The following MYH11 variants were observed in gnomAD, a reference collection of about 807,000 sequenced individuals.
The protein encoded by MYH11 is myosin heavy chain 11, also known as myosin-11.
MYH11 carries 80 observed loss-of-function variants against 246.6 expected under a neutral mutation model. That is an observed-to-expected ratio of 0.32 (90% CI 0.27 to 0.39). MYH11 has a LOEUF of 0.39. Ranked by LOEUF, MYH11 falls within the 10% of genes least tolerant of loss-of-function variation. The pLI, the probability that MYH11 is intolerant of heterozygous loss-of-function variation, is 1.00. For synonymous variants in MYH11, 1,071 were observed against 1,015.5 expected (o/e 1.05, Z -1.04); for missense variants, 2,158 against 2,546.8 (o/e 0.85, Z 3.29).
chr16:15,819,913 G>A (rs931174363), intron 3 of MYH11, among the ~76,000 whole-genome samples: 2 of 152,046 alleles, frequency 1.3e-5, no homozygotes, highest in South Asian at 2.1e-4. Flanking sequence ...CTCCTTCTCC[G>A]ACGATTCAGT....
intron 9 of MYH11, among the ~76,000 whole-genome samples, chr16:15,767,193 G>A (rs573506500): frequency 6.6e-6 from 1 of 152,148 alleles, no homozygotes; most frequent in African/African-American, 2.4e-5. Flanking sequence ...ATGAGTAGAG[G>A]ATAGATGGAT....
chr16:15,819,786 A>G (rs2043356729), intron 3 of MYH11, among the ~76,000 whole-genome samples: 1 of 152,216 alleles, frequency 6.6e-6, no homozygotes, highest in African/African-American at 2.4e-5. Context: ...ACTGACTTCT[A>G]TGAAACTGGT....
At chr16:15,753,125 C>T (rs1596782190) in intron 15 of MYH11, among the ~76,000 whole-genome samples, 1 of 152,166 alleles carries the variant, frequency 6.6e-6, no homozygotes, top group Non-Finnish European at 1.5e-5. Context: ...TCTAACTCCC[C>T]GTGCCTGGCA....
chr16:15,775,998 A>C, intron 8 of MYH11, 80 bp downstream of exon 8: 1 of 1,057,320 alleles, frequency 9.5e-7, no homozygotes, highest in Non-Finnish European at 1.5e-6. Context: ...GACTGTTTTA[A>C]TAGCCAATCC....
intron 40 of MYH11, chr16:15,714,207 A>AGG (rs2039985398): frequency 6.5e-6 from 1 of 153,734 alleles, no homozygotes; most frequent in Admixed American, 6.4e-5. Flanking sequence ...CCTTGGGAGC[A>AGG]GGGGGGACCC....
At position 15,734,803 on chromosome 16, in the gene MYH11, A is replaced by G. The variant is rs561793684; in HGVS notation, c.3506+563T>C. On this transcript the variant is annotated intron_variant, in intron 26 of 40. Coordinates refer to ENST00000300036, the MANE Select transcript of MYH11 (RefSeq NM_002474.3). ...GTTAGTGTATCTTATGTGTGGCCCA[A>G]GACAAATCTTTTTCTTCCAATGTGG... 9.2e-5 allele frequency among the ~76,000 whole-genome samples: 14 copies of G among 152,328 alleles called. No individual in the cohort carries two copies. The South Asian group carries it at 2.9e-3, about 32-fold the overall frequency.
intron 15 of MYH11, among the ~76,000 whole-genome samples, chr16:15,752,814 G>C (rs2041607136): frequency 2.0e-5 from 3 of 152,194 alleles, no homozygotes; most frequent in African/African-American, 7.2e-5. Flanking sequence ...AGAAGGTGGA[G>C]GCTGCAGTGA....
intron 1 of MYH11, among the ~76,000 whole-genome samples, chr16:15,855,018 G>T (rs1467444360): frequency 6.6e-6 from 1 of 152,170 alleles, no homozygotes; most frequent in Admixed American, 6.6e-5. Flanking sequence ...ACTGACGAGG[G>T]GGCCGGGGAT....
chr16:15,744,536 A>C (rs2041364626), intron 20 of MYH11, among the ~76,000 whole-genome samples: 1 of 148,552 alleles, frequency 6.7e-6, no homozygotes, highest in South Asian at 2.1e-4. Flanking sequence ...ACAGAGTCTC[A>C]ATCTTTCACC....
intron 4 of MYH11, among the ~76,000 whole-genome samples, chr16:15,793,615 CTTTTTTTTTTTTTT>C (rs572455483): frequency 1.1e-5 from 1 of 93,820 alleles, no homozygotes; most frequent in Non-Finnish European, 2.0e-5. Flanking sequence ...CTTTTCTTTT[CTTTTTTTTTTTTTT>C]TTTTTTTTGA....
chr16:15,797,115 A>G (rs1337670401), intron 4 of MYH11, among the ~76,000 whole-genome samples: 2 of 151,768 alleles, frequency 1.3e-5, no homozygotes, highest in African/African-American at 4.8e-5. Flanking sequence ...TTCCATCCCA[A>G]CTTTTGTTTT....
intron 4 of MYH11, among the ~76,000 whole-genome samples, chr16:15,794,004 T>C (rs1346755324): frequency 1.5e-5 from 2 of 134,176 alleles, no homozygotes; most frequent in Non-Finnish European, 3.1e-5. Flanking sequence ...AGTGCAGTGG[T>C]GCGATCTCTG....
intron 6 of MYH11, among the ~76,000 whole-genome samples, chr16:15,780,190 C>T (rs1056675771): frequency 2.0e-5 from 3 of 152,246 alleles, no homozygotes; most frequent in African/African-American, 7.2e-5. Context: ...CATGCAAACG[C>T]AGTGCTTCTC....
At chr16:15,784,763 C>T in intron 5 of MYH11, 1 of 1,611,804 alleles carries the variant, frequency 6.2e-7, no homozygotes, top group East Asian at 2.2e-5. Flanking sequence ...AGCGTTATTT[C>T]CATCACATGG....
intron 9 of MYH11, among the ~76,000 whole-genome samples, chr16:15,769,345 C>A (rs4781687): frequency 0.19 from 28,270 of 152,106 alleles, 2,878 homozygotes; most frequent in Middle Eastern, 0.25. Context: ...ACCCTAAAAT[C>A]AAAAATTAGC....
chr16:15,727,622 G>A (rs926010383), intron 27 of MYH11, among the ~76,000 whole-genome samples: 6 of 152,108 alleles, frequency 3.9e-5, no homozygotes, highest in African/African-American at 7.2e-5. Flanking sequence ...ATGAGTTGCC[G>A]ACATTTTAAT....
At chr16:15,721,273 A>G in intron 32 of MYH11, 149 bp downstream of exon 32, 1 of 1,030,462 alleles carries the variant, frequency 9.7e-7, no homozygotes, top group Admixed American at 2.0e-5. Context: ...AGCCCCTCCC[A>G]GCCCCTGCAC....
At chr16:15,833,770 C>T (rs1413085791) in intron 2 of MYH11, among the ~76,000 whole-genome samples, 1 of 152,160 alleles carries the variant, frequency 6.6e-6, no homozygotes, top group Non-Finnish European at 1.5e-5. Flanking sequence ...CCTGGTATCA[C>T]CTCACTACCC....
At chr16:15,748,793 T>C (rs748376340) in intron 16 of MYH11, among the ~76,000 whole-genome samples, 5 of 152,088 alleles carry the variant, frequency 3.3e-5, no homozygotes, top group Non-Finnish European at 7.4e-5. Context: ...TTTTTAAAAA[T>C]GTTTTTGTAG....
Sources: allele counts gnomAD v4.1 joint callset (sites outside exome capture counted in the v4.1 genomes callset), GRCh38; gene constraint gnomAD v4.1.1; transcripts MANE v1.5; gene names NCBI Gene and HGNC (gene_info 2026-07-23, HGNC 2026-07-21).